HYDIN: variants seen among roughly 807,000 people sequenced by gnomAD.
HYDIN encodes HYDIN axonemal central pair apparatus protein.
HYDIN carries 132 observed loss-of-function variants against 403.9 expected under a neutral mutation model. The observed-to-expected ratio is 0.33, with a 90% CI of 0.28 to 0.38. HYDIN has a LOEUF of 0.38. HYDIN is among the 10% of genes least tolerant of loss of function. The probability of loss-of-function intolerance (pLI) is 1.00; values close to 1 mark genes in which losing one functional copy is unlikely to be tolerated. For missense variants in HYDIN, 2,827 were observed against 5,009.5 expected (o/e 0.56, Z 13.15); for synonymous variants, 1,202 against 1,891.7 (o/e 0.64, Z 9.46).
intron 84 of HYDIN, chr16:70,817,205 A>T (rs974400436): frequency 7.9e-5 from 12 of 151,746 alleles, no homozygotes; most frequent in Non-Finnish European, 1.2e-4. Flanking sequence ...ACCTTAAAAA[A>T]CCCGACAATA....
At chr16:70,888,734 G>A (rs1432355031) in intron 58 of HYDIN, among the ~76,000 whole-genome samples, 2 of 152,112 alleles carry the variant, frequency 1.3e-5, no homozygotes, top group Non-Finnish European at 2.9e-5. Context: ...CTTCTCCGAC[G>A]CCACCCTGGC....
chr16:70,957,488 G>A (rs369125659), intron 39 of HYDIN, among the ~76,000 whole-genome samples: 3,715 of 151,968 alleles, frequency 0.024, 147 homozygotes, highest in African/African-American at 0.084. Context: ...TACCACGCCC[G>A]GCTAATTTTT....
At chr16:70,817,948 G>A (rs1365771146) in intron 84 of HYDIN, among the ~76,000 whole-genome samples, 1 of 152,072 alleles carries the variant, frequency 6.6e-6, no homozygotes, top group Non-Finnish European at 1.5e-5. Context: ...CACCATGTTA[G>A]CCAGGCTAGT....
intron 55 of HYDIN, 71 bp downstream of exon 55, chr16:70,894,378 G>C (rs142393616): frequency 1.9e-6 from 3 of 1,602,950 alleles, no homozygotes; most frequent in Admixed American, 1.7e-5. Flanking sequence ...ACCTGAACAC[G>C]ATCTCATATT....
At chr16:70,943,104 C>T (rs192007484) in intron 42 of HYDIN, among the ~76,000 whole-genome samples, 7 of 152,320 alleles carry the variant, frequency 4.6e-5, no homozygotes, top group African/African-American at 1.7e-4. Flanking sequence ...CACCCAGCTC[C>T]AGGACCTGGT....
intron 39 of HYDIN, among the ~76,000 whole-genome samples, chr16:70,958,312 G>A (rs954378382): frequency 6.6e-6 from 1 of 152,048 alleles, no homozygotes; most frequent in Non-Finnish European, 1.5e-5. Flanking sequence ...TGAAGATTCT[G>A]TGAAAGCTGT....
chr16:71,174,415 G>A (rs1255742671), intron 5 of HYDIN, among the ~76,000 whole-genome samples: 1 of 152,162 alleles, frequency 6.6e-6, no homozygotes, highest in Non-Finnish European at 1.5e-5. Context: ...TGACTCCACT[G>A]TGCTCTACTG....
intron 10 of HYDIN, among the ~76,000 whole-genome samples, chr16:71,097,285 G>A (rs1450737899): frequency 7.3e-6 from 1 of 137,134 alleles, no homozygotes; most frequent in African/African-American, 3.0e-5. Flanking sequence ...GACATACCAC[G>A]GACTTTTGTT....
At chr16:70,840,843 G>C (rs1359271489) in intron 75 of HYDIN, among the ~76,000 whole-genome samples, 2 of 151,738 alleles carry the variant, frequency 1.3e-5, no homozygotes, top group East Asian at 3.9e-4. Context: ...AGAGTGGAAA[G>C]ATGGAAAGAG....
At chr16:71,126,442 T>C (rs913481881) in intron 9 of HYDIN, among the ~76,000 whole-genome samples, 6 of 151,996 alleles carry the variant, frequency 3.9e-5, no homozygotes, top group Non-Finnish European at 8.8e-5. Flanking sequence ...ACCAGAGACA[T>C]GGAAAGGTCA....
chr16:71,097,535 T>C (rs561818323), intron 10 of HYDIN, among the ~76,000 whole-genome samples: 1 of 148,536 alleles, frequency 6.7e-6, no homozygotes. Flanking sequence ...AGCTTATCAT[T>C]TATGAAACAT....
chr16:71,002,112 T>C (rs2079736118), intron 23 of HYDIN, among the ~76,000 whole-genome samples: 1 of 152,238 alleles, frequency 6.6e-6, no homozygotes, highest in Non-Finnish European at 1.5e-5. Context: ...CTGCAGGTGG[T>C]TTGTATGCCA....
intron 10 of HYDIN, among the ~76,000 whole-genome samples, chr16:71,098,254 T>C (rs1453819196): frequency 1.3e-5 from 2 of 148,918 alleles, no homozygotes; most frequent in East Asian, 2.0e-4. Flanking sequence ...CAGGCTGGAG[T>C]GCAGTGGTGC....
At chr16:71,002,553 T>TA (rs200451927) in intron 23 of HYDIN, among the ~76,000 whole-genome samples, 80 of 145,960 alleles carry the variant, frequency 5.5e-4, no homozygotes, top group East Asian at 1.4e-3. Flanking sequence ...CCCTGTCTGT[T>TA]AAAAAAAAAA....
At chr16:71,104,961 G>A (rs1266373648) in intron 10 of HYDIN, among the ~76,000 whole-genome samples, 3 of 123,988 alleles carry the variant, frequency 2.4e-5, no homozygotes, top group South Asian at 3.0e-4. Flanking sequence ...TCTAGTAGGA[G>A]GAAAATCAGT....
chr16:70,909,697 T>A (rs2076637985), intron 47 of HYDIN, among the ~76,000 whole-genome samples: 1 of 139,090 alleles, frequency 7.2e-6, no homozygotes, highest in African/African-American at 2.7e-5. Flanking sequence ...TCTTTTTTTT[T>A]TTTTTTTTTT....
At chr16:70,809,450 T>G (rs1013419359) in intron 85 of HYDIN, among the ~76,000 whole-genome samples, 4 of 152,352 alleles carry the variant, frequency 2.6e-5, no homozygotes, top group Non-Finnish European at 4.4e-5. Flanking sequence ...AACCCATGTC[T>G]GTTTGATTCC....
intron 12 of HYDIN, among the ~76,000 whole-genome samples, chr16:71,084,472 C>T (rs1417743430): frequency 4.6e-5 from 7 of 151,018 alleles, no homozygotes; most frequent in African/African-American, 1.5e-4. Context: ...CTGCAATCTC[C>T]GCCTCCTGGG....
intron 45 of HYDIN, among the ~76,000 whole-genome samples, chr16:70,930,912 T>C (rs935983330): frequency 1.3e-5 from 2 of 152,166 alleles, no homozygotes; most frequent in African/African-American, 4.8e-5. Flanking sequence ...GTCAGGAAAC[T>C]GTGACAAATT....
Sources: gnomAD v4.1 joint callset for allele counts (sites outside exome capture counted in the v4.1 genomes callset) on GRCh38, gnomAD v4.1.1 for gene constraint, MANE v1.5 for transcripts, NCBI Gene and HGNC (gene_info 2026-07-23, HGNC 2026-07-21) for gene names.